The following RBFOX1 variants were observed in gnomAD, a reference collection of about 807,000 sequenced individuals.
RBFOX1 encodes RNA binding fox-1 homolog 1, also known as RNA binding protein fox-1 homolog 1.
A neutral mutation model predicts 57.7 loss-of-function variants in RBFOX1; 8 were observed. The ratio of observed to expected loss-of-function variants is 0.14; its 90% CI spans 0.08 to 0.25. The LOEUF is 0.25. Among genes scored for constraint, RBFOX1 ranks in the 10% least tolerant of loss-of-function variants. RBFOX1 has a pLI of 1.00. For synonymous variants in RBFOX1, 326 were observed against 222.4 expected, an observed-to-expected ratio of 1.47 and a Z score of -4.15; for missense variants, 611 against 548.5, an observed-to-expected ratio of 1.11 and a Z score of -1.14.
intron 4 of RBFOX1, among the ~76,000 whole-genome samples, chr16:7,064,094 C>G (rs1299677489): frequency 6.7e-6 from 1 of 149,618 alleles, no homozygotes; most frequent in Non-Finnish European, 1.5e-5. Flanking sequence ...AAGCTAAGGT[C>G]TTTAAAAAGA....
chr16:7,382,989 T>C (rs1162312592), intron 4 of RBFOX1, among the ~76,000 whole-genome samples: 1 of 152,178 alleles, frequency 6.6e-6, no homozygotes, highest in East Asian at 1.9e-4. Flanking sequence ...CAATGAGCTG[T>C]TCATTAAACT....
intron 2 of RBFOX1, among the ~76,000 whole-genome samples, chr16:6,636,954 AATATGT>A (rs1237211276): frequency 9.7e-4 from 124 of 128,406 alleles, no homozygotes; most frequent in African/African-American, 3.7e-3. Context: ...ATATACATAA[AATATGT>A]ATATTATGTA....
intron 1 of RBFOX1, among the ~76,000 whole-genome samples, chr16:5,414,119 A>C (rs982858590): frequency 6.6e-6 from 1 of 152,064 alleles, no homozygotes; most frequent in Non-Finnish European, 1.5e-5. Flanking sequence ...CTGCAAGTGC[A>C]CTCCCGACCT....
chr16:7,166,972 C>CTTTTTTTGTTTGTTTTTTTTTTTTT (rs2079654368), intron 4 of RBFOX1, among the ~76,000 whole-genome samples: 1 of 49,098 alleles, frequency 2.0e-5, no homozygotes, highest in Non-Finnish European at 3.4e-5. Context: ...CATTGGTGTT[C>CTTTTTTTGTTTGTTTTTTTTTTTTT]TTTTTTTTTT....
intron 3 of RBFOX1, among the ~76,000 whole-genome samples, chr16:6,851,677 A>G (rs999275186): frequency 6.6e-6 from 1 of 152,106 alleles, no homozygotes; most frequent in Admixed American, 6.5e-5. Flanking sequence ...TCGAGAAGAC[A>G]TGGGTGAGAT....
chr16:6,802,670 G>T (rs181012633), intron 3 of RBFOX1, among the ~76,000 whole-genome samples: 2 of 152,100 alleles, frequency 1.3e-5, no homozygotes, highest in East Asian at 3.9e-4. Flanking sequence ...GTGAGACTCC[G>T]TCTCAATTAA....
intron 4 of RBFOX1, among the ~76,000 whole-genome samples, chr16:7,430,158 T>A (rs2098664842): frequency 6.6e-6 from 1 of 152,244 alleles, no homozygotes; most frequent in African/African-American, 2.4e-5. Context: ...TTATCATTAA[T>A]CTAGCACATT....
chr16:6,684,053 A>T (rs1334273627), intron 3 of RBFOX1, among the ~76,000 whole-genome samples: 1 of 152,160 alleles, frequency 6.6e-6, no homozygotes, highest in Non-Finnish European at 1.5e-5. Flanking sequence ...GGGCATCCTC[A>T]AATTTGTTTG....
At chr16:7,468,860 C>T (rs551689974) in intron 4 of RBFOX1, among the ~76,000 whole-genome samples, 3 of 152,044 alleles carry the variant, frequency 2.0e-5, no homozygotes, top group Admixed American at 1.3e-4. Flanking sequence ...GGGGAGGTTG[C>T]GAGGATCACA....
rs375877303 is a variant in RBFOX1, at chr16:6,669,997, ATCTC to A, written c.-16+15349_-16+15352del. On this transcript the variant is annotated intron_variant, in intron 3 of 15. Coordinates refer to ENST00000550418, the MANE Select transcript of RBFOX1 (RefSeq NM_018723.4). Reference sequence around the variant, plus strand: ...CCCTAACTTACAGTAAGGAAAATCTATCTCTGTCTGTCTATCTATCTATCTGTCT... The same window carrying A: ...CCCTAACTTACAGTAAGGAAAATCTATGTCTGTCTATCTATCTATCTGTCT... Among the ~76,000 whole-genome samples, 653 of 152,138 alleles carry A rather than the reference ATCTC, an allele frequency of 4.3e-3. 4 individuals carry two copies. The highest frequency in any genetic ancestry group is 0.014 in the African/African-American group (579 of 41,528).
intron 3 of RBFOX1, among the ~76,000 whole-genome samples, chr16:5,775,656 C>T (rs1332701926): frequency 6.6e-6 from 1 of 152,190 alleles, no homozygotes; most frequent in African/African-American, 2.4e-5. Flanking sequence ...CTCAGTGCCA[C>T]TTCAGGGCTC....
At chr16:6,970,302 G>C (rs749585561) in intron 3 of RBFOX1, among the ~76,000 whole-genome samples, 10 of 152,150 alleles carry the variant, frequency 6.6e-5, no homozygotes, top group Admixed American at 4.6e-4. Flanking sequence ...TCATCACCTA[G>C]ACTATTTCTG....
Position 6,147,279 on chromosome 16 carries a change from C to A in RBFOX1, c.-127+127287C>A, listed in dbSNP as rs145492693. On this transcript the variant is annotated intron_variant, in intron 1 of 15. Coordinates refer to ENST00000550418, the MANE Select transcript of RBFOX1 (RefSeq NM_018723.4). ...TTGATGGTGGTGATTGTTTTTCATA[C>A]TTTTCCTTCCTTACCATTCTGTGCT... Among the ~76,000 whole-genome samples, 141 of 152,256 alleles carry A rather than the reference C, an allele frequency of 9.3e-4. No homozygotes were observed. The Middle Eastern group carries it at 0.02, about 22-fold the overall frequency.
chr16:7,425,573 C>T (rs573667434), intron 4 of RBFOX1, among the ~76,000 whole-genome samples: 12 of 152,248 alleles, frequency 7.9e-5, no homozygotes, highest in African/African-American at 2.6e-4. Flanking sequence ...GCAAATGTTC[C>T]TTCTGAAATT....
intron 4 of RBFOX1, among the ~76,000 whole-genome samples, chr16:5,868,183 C>T (rs1402565635): frequency 1.3e-5 from 2 of 152,164 alleles, no homozygotes; most frequent in South Asian, 2.1e-4. Flanking sequence ...ATGCCCAGCA[C>T]GATAGAGCCG....
chr16:5,924,364 G>A (rs1163268881), intron 4 of RBFOX1, among the ~76,000 whole-genome samples: 1 of 152,142 alleles, frequency 6.6e-6, no homozygotes, highest in Non-Finnish European at 1.5e-5. Context: ...GTTGGAGATG[G>A]GGCCTAATGA....
intron 2 of RBFOX1, among the ~76,000 whole-genome samples, chr16:5,587,367 A>G (rs2046866832): frequency 6.6e-6 from 1 of 152,256 alleles, no homozygotes; most frequent in Non-Finnish European, 1.5e-5. Context: ...ATGCAAGTCA[A>G]AACTGCAGGG....
chr16:7,541,337 C>G (rs2082870745), intron 5 of RBFOX1, among the ~76,000 whole-genome samples: 1 of 152,226 alleles, frequency 6.6e-6, no homozygotes, highest in South Asian at 2.1e-4. Flanking sequence ...GGACCAGCTC[C>G]ACGTGAAGCA....
chr16:6,882,681 A>T (rs896460610), intron 3 of RBFOX1, among the ~76,000 whole-genome samples: 3 of 152,166 alleles, frequency 2.0e-5, no homozygotes, highest in Non-Finnish European at 4.4e-5. Context: ...CATTGGCTGT[A>T]TGGATAACAA....
Sources: allele counts gnomAD v4.1 joint callset (sites outside exome capture counted in the v4.1 genomes callset), GRCh38; gene constraint gnomAD v4.1.1; transcripts MANE v1.5; gene names NCBI Gene and HGNC (gene_info 2026-07-23, HGNC 2026-07-21).